The following PHIP variants were observed in gnomAD, a reference collection of about 807,000 sequenced individuals.
The protein encoded by PHIP is PHIP subunit of CUL4-Ring ligase complex, also known as PH-interacting protein.
PHIP carries 54 observed loss-of-function variants against 236.8 expected under a neutral mutation model. The observed-to-expected ratio is 0.23, with a 90% CI of 0.18 to 0.29. PHIP has a LOEUF of 0.29. PHIP is among the 10% of genes least tolerant of loss of function. PHIP has a pLI of 1.00. For synonymous variants in PHIP, 756 were observed against 718.9 expected (o/e 1.05, Z -0.83); for missense variants, 1,370 against 2,190.8 (o/e 0.63, Z 7.48).
rs143872223 is a variant in PHIP at position 78,944,834 on chromosome 6, T to C, written c.4828+466A>G. Among the ~76,000 whole-genome samples, 1,013 of 152,302 alleles carry C rather than the reference T, an allele frequency of 6.7e-3. 7 individuals carry two copies. Among genetic ancestry groups the C allele is most frequent in the Non-Finnish European group, 0.012 (789 of 68,016 alleles). On this transcript the variant is annotated intron_variant, in intron 39 of 39. Transcript: ENST00000275034. ...CATATTTTATTATTTACCTTCTTCA[T>C]CTTTCAAACATAAAGACTTTACAAT...
intron 35 of PHIP, among the ~76,000 whole-genome samples, chr6:78,952,436 A>G (rs1766101177): frequency 6.6e-6 from 1 of 151,046 alleles, no homozygotes. Flanking sequence ...AAGAAAAAAA[A>G]AAAAGAAAAA....
rs774747260 is a variant in PHIP at position 78,941,033 on chromosome 6, T to C, written c.5126A>G (p.Lys1709Arg). The C allele has an allele frequency of 6.2e-7, 1 of 1,613,770 alleles. No individual in the cohort carries two copies. Among genetic ancestry groups the C allele is most frequent in the Non-Finnish European group, 8.5e-7 (1 of 1,179,812 alleles). The change falls in exon 40 of 40, where the codon AAG (lysine) becomes AGG (arginine). Residue 1709 changes from lysine to arginine, a missense_variant. Physicochemically the swap from Lys to Arg is conservative, Grantham distance 26. Transcript: ENST00000275034. ...NNVKEDLLQKKNRGGRKPKRK... is the reference protein window; with the variant it reads ...NNVKEDLLQKRNRGGRKPKRK... ...TTTGGGCTTCCTACCTCCACGATTC[T>C]TTTTCTGTAACAAATCTTCCTTTAC... is the stretch of plus-strand genomic sequence containing the variant.
At chr6:78,969,009 C>G (rs1210511119) in intron 27 of PHIP, among the ~76,000 whole-genome samples, 1 of 152,138 alleles carries the variant, frequency 6.6e-6, no homozygotes, top group South Asian at 2.1e-4. Flanking sequence ...CTTCCTGTTT[C>G]CTGAGGGGAT....
chr6:79,038,138 ATTT>A (rs1337437348), intron 7 of PHIP, among the ~76,000 whole-genome samples: 1 of 152,202 alleles, frequency 6.6e-6, no homozygotes, highest in Non-Finnish European at 1.5e-5. Context: ...AAAACAGAAC[ATTT>A]TTTGGTCTTA....
chr6:79,044,057 G>C (rs1772354661), intron 6 of PHIP, among the ~76,000 whole-genome samples: 1 of 151,628 alleles, frequency 6.6e-6, no homozygotes, highest in Admixed American at 6.6e-5. Flanking sequence ...TAAATGTTTG[G>C]CTCACACTAT....
intron 21 of PHIP, among the ~76,000 whole-genome samples, chr6:78,986,058 ACTT>A (rs1768849706): frequency 1.3e-5 from 2 of 152,174 alleles, no homozygotes; most frequent in African/African-American, 4.8e-5. Context: ...ATTAATTTTT[ACTT>A]CTTGAGCCTT....
At chr6:78,968,757 A>G (rs1031185580) in intron 27 of PHIP, among the ~76,000 whole-genome samples, 2 of 152,110 alleles carry the variant, frequency 1.3e-5, no homozygotes, top group Non-Finnish European at 2.9e-5. Flanking sequence ...CATTTTTTTA[A>G]TGCTTGGTTT....
intron 6 of PHIP, among the ~76,000 whole-genome samples, chr6:79,052,826 G>T (rs1397712931): frequency 6.6e-6 from 1 of 152,094 alleles, no homozygotes; most frequent in Non-Finnish European, 1.5e-5. Flanking sequence ...TCAAACACCT[G>T]CTATTACCAA....
chr6:79,069,464 A>G (rs113129945), intron 4 of PHIP, among the ~76,000 whole-genome samples: 2,539 of 152,120 alleles, frequency 0.017, 70 homozygotes, highest in African/African-American at 0.058. Context: ...TCATAAGCAC[A>G]TAAGCTTAAC....
chr6:78,970,009 C>A (rs375210596), intron 26 of PHIP, 40 bp downstream of exon 26: 2 of 1,607,432 alleles, frequency 1.2e-6, no homozygotes, highest in Non-Finnish European at 1.7e-6. Context: ...AAACAATCTA[C>A]AATACTAAGA....
chr6:78,951,341 C>A (rs543984621), intron 35 of PHIP, among the ~76,000 whole-genome samples: 1 of 151,954 alleles, frequency 6.6e-6, no homozygotes, highest in Non-Finnish European at 1.5e-5. Flanking sequence ...AATAAATGAA[C>A]GTTGTAGAAT....
intron 31 of PHIP, 75 bp downstream of exon 31, chr6:78,961,615 A>G: frequency 6.8e-7 from 1 of 1,470,510 alleles, no homozygotes; most frequent in Non-Finnish European, 9.4e-7. Flanking sequence ...GTTGAGAAAC[A>G]CTGCTAAAGA....
At chr6:79,001,812 A>G (rs979066757) in intron 17 of PHIP, 87 bp downstream of exon 17, 1 of 799,598 alleles carries the variant, frequency 1.3e-6, no homozygotes, top group African/African-American at 1.7e-5. Flanking sequence ...CCACTTAACA[A>G]CTGCAAACAA....
chr6:78,962,217 A>G (rs1766829044), intron 30 of PHIP, among the ~76,000 whole-genome samples: 1 of 152,072 alleles, frequency 6.6e-6, no homozygotes, highest in Non-Finnish European at 1.5e-5. Context: ...CTTTATCTCA[A>G]CTTTACATTA....
intron 19 of PHIP, 102 bp downstream of exon 19, chr6:78,997,312 T>C (rs1769685320): frequency 1.0e-6 from 1 of 980,366 alleles, no homozygotes; most frequent in African/African-American, 1.6e-5. Flanking sequence ...TCCAGAAAAA[T>C]TTCAGAGGAA....
At chr6:79,071,649 T>C (rs1420453029) in intron 4 of PHIP, among the ~76,000 whole-genome samples, 1 of 152,186 alleles carries the variant, frequency 6.6e-6, no homozygotes, top group Non-Finnish European at 1.5e-5. Flanking sequence ...GTATGTTTGG[T>C]ATTCTCTGGC....
chr6:78,995,748 T>G (rs1038106479), intron 19 of PHIP, among the ~76,000 whole-genome samples: 3 of 152,194 alleles, frequency 2.0e-5, no homozygotes, highest in Non-Finnish European at 2.9e-5. Flanking sequence ...TGAGAATTAT[T>G]TCTATGTTAC....
chr6:79,060,877 T>C, intron 4 of PHIP, 59 bp from the exon 5 acceptor site: 1 of 1,186,074 alleles, frequency 8.4e-7, no homozygotes, highest in Non-Finnish European at 1.2e-6. Context: ...TTTCAAAATC[T>C]TTGAGCAACA....
rs1258760779 is a variant in PHIP, at chr6:78,978,651, T to C, written c.2830A>G (p.Thr944Ala). 2.5e-6 allele frequency: 4 copies of C among 1,598,464 alleles called. No individual in the cohort carries two copies. Among genetic ancestry groups the C allele is most frequent in the African/African-American group, 1.3e-5 (1 of 74,724 alleles). The change falls in exon 24 of 40, where the codon ACA (threonine) becomes GCA (alanine). Residue 944 changes from threonine (T) to alanine (A), a missense_variant. Physicochemically the swap from Thr to Ala is moderately conservative, Grantham distance 58 (BLOSUM62 0). This residue lies in a region of PHIP where 238 missense variants were observed against 398.5 expected (regional missense o/e 0.60). Transcript: ENST00000275034. ...GLTLEEWLPS[T>A]WITDTIPRRC... Reference sequence around the variant, plus strand: ...CGGGGAATGGTATCTGTAATCCATGTTGATGGCAACCATTCTTCTAATGTC... The same window carrying C: ...CGGGGAATGGTATCTGTAATCCATGCTGATGGCAACCATTCTTCTAATGTC...
Sources: gnomAD v4.1 joint callset for allele counts (sites outside exome capture counted in the v4.1 genomes callset) on GRCh38, gnomAD v4.1.1 for gene constraint, gnomAD v4.1.1 regional missense constraint, MANE v1.5 for transcripts, NCBI Gene and HGNC (gene_info 2026-07-23, HGNC 2026-07-21) for gene names.